The following EPS8 variants were observed in gnomAD, a reference collection of about 807,000 sequenced individuals.
EPS8 encodes the protein epidermal growth factor receptor kinase substrate 8.
A neutral mutation model predicts 103.8 loss-of-function variants in EPS8; 42 were observed. The ratio of observed to expected loss-of-function variants is 0.40; its 90% CI spans 0.32 to 0.52. EPS8 has a LOEUF of 0.52. Ranked by LOEUF, EPS8 falls within the 20% of genes least tolerant of loss-of-function variation. EPS8 has a pLI of 0.40. For missense variants in EPS8, 969 were observed against 1,005.1 expected (o/e 0.96, Z 0.49); for synonymous variants, 344 against 344.6 (o/e 1.00, Z 0.02).
chr12:15,709,687 G>A (rs982152548), intron 1 of EPS8, among the ~76,000 whole-genome samples: 9 of 152,208 alleles, frequency 5.9e-5, no homozygotes, highest in African/African-American at 2.2e-4. Flanking sequence ...TGCCAGGCCA[G>A]AGCAACGGGA....
At chr12:15,672,356 A>G (rs1005782417) in intron 3 of EPS8, 5 of 395,872 alleles carry the variant, frequency 1.3e-5, no homozygotes, top group African/African-American at 1.0e-4. Flanking sequence ...TCCTTGTATC[A>G]ATATTACTCT....
chr12:15,679,317 C>T (rs929837093), intron 3 of EPS8, among the ~76,000 whole-genome samples: 5 of 152,212 alleles, frequency 3.3e-5, no homozygotes, highest in African/African-American at 1.2e-4. Context: ...TAGTATAATT[C>T]TTCCCAATGT....
At position 15,654,140 on chromosome 12, in the gene EPS8, C is replaced by G. The variant is rs1945465825; in HGVS notation, c.1250+5G>C. 1 of 1,613,180 alleles carries G rather than the reference C, an allele frequency of 6.2e-7. No individual in the cohort carries two copies. The highest frequency in any genetic ancestry group is 8.5e-7 in the Non-Finnish European group (1 of 1,179,320). ...CTTAAGGCATTATAGGTGGTAAATG[C>G]TTACCTGGCTTTCATCCAAGTTCCT... On this transcript the variant is annotated splice_donor_5th_base_variant and intron_variant, in intron 13 of 20. Transcript: ENST00000281172.
At chr12:15,740,562 T>TAAAA (rs1445552519) in intron 1 of EPS8, among the ~76,000 whole-genome samples, 4 of 142,632 alleles carry the variant, frequency 2.8e-5, no homozygotes, top group African/African-American at 5.1e-5. Context: ...TAAAAAATAA[T>TAAAA]AAAAATAAAT....
Position 15,723,310 on chromosome 12 carries a change from C to CA in EPS8, c.-21-40339dup, listed in dbSNP as rs1359833788. Among the ~76,000 whole-genome samples the CA allele has an allele frequency of 9.2e-5, 14 of 152,012 alleles. 1 individual carries two copies. In the East Asian group the frequency reaches 2.5e-3, roughly 27 times the overall value. On this transcript the variant is annotated intron_variant, in intron 1 of 20. Coordinates refer to ENST00000281172, the MANE Select transcript of EPS8 (RefSeq NM_004447.6). ...TGAGCAACAGAGTGAGACCCTGTCT[C>CA]AAAAAAATATATATATATCTTTTTC...
intron 12 of EPS8, among the ~76,000 whole-genome samples, chr12:15,656,135 T>C (rs150292825): frequency 3.0e-4 from 46 of 152,334 alleles, no homozygotes; most frequent in African/African-American, 1.1e-3. Flanking sequence ...ACTAGATATC[T>C]ACATATGATC....
intron 17 of EPS8, among the ~76,000 whole-genome samples, chr12:15,634,235 C>T (rs913307699): frequency 5.3e-5 from 8 of 152,218 alleles, no homozygotes; most frequent in Admixed American, 5.2e-4. Context: ...GGTTGGTCAG[C>T]CTGGTGTGGA....
intron 3 of EPS8, 96 bp from the exon 4 acceptor site, chr12:15,671,019 A>C: frequency 1.3e-6 from 1 of 757,028 alleles, no homozygotes; most frequent in African/African-American, 1.7e-5. Flanking sequence ...AGTCTATCTC[A>C]CATATAAATA....
In EPS8 at chr12:15,647,255, G is replaced by A. The variant is rs1945336058; in HGVS notation, c.1440C>T (p.Ser480=). The A allele has an allele frequency of 9.9e-6, 16 of 1,610,564 alleles. No homozygotes were observed. Among genetic ancestry groups the A allele is most frequent in the Non-Finnish European group, 1.4e-5 (16 of 1,178,556 alleles). The change falls in exon 15 of 21, where the codon TCC becomes TCT. Residue 480 remains serine (S), a synonymous_variant. Transcript: ENST00000281172. The part of the protein sequence containing the change: ...QEIKRLSTEH[S]SVSEYHPADG... ...CGGCTGGATGATACTCTGATACACT[G>A]GAATGCTGAAAGACAAAGTGGGGCA... is the stretch of plus-strand genomic sequence containing the variant.
intron 6 of EPS8, among the ~76,000 whole-genome samples, chr12:15,668,764 A>G (rs1186916151): frequency 1.3e-5 from 2 of 152,246 alleles, no homozygotes; most frequent in Admixed American, 6.5e-5. Context: ...TTAGTGCAGA[A>G]TAAATTCAAA....
intron 1 of EPS8, among the ~76,000 whole-genome samples, chr12:15,766,560 C>A (rs1412829901): frequency 1.3e-5 from 2 of 151,376 alleles, no homozygotes; most frequent in African/African-American, 4.9e-5. Flanking sequence ...CTCCTGTAAT[C>A]CCAGCTACTT....
intron 18 of EPS8, among the ~76,000 whole-genome samples, chr12:15,631,228 G>T (rs1294859731): frequency 1.3e-5 from 2 of 152,170 alleles, no homozygotes; most frequent in Non-Finnish European, 1.5e-5. Context: ...ATTGGAAAAG[G>T]AGTAGAAAGG....
chr12:15,765,475 G>A (rs1391564539), intron 1 of EPS8, among the ~76,000 whole-genome samples: 1 of 151,216 alleles, frequency 6.6e-6, no homozygotes, highest in Non-Finnish European at 1.5e-5. Flanking sequence ...AATAAATACA[G>A]GAAAAAAACA....
chr12:15,715,363 G>T (rs1946518809), intron 1 of EPS8, among the ~76,000 whole-genome samples: 1 of 149,508 alleles, frequency 6.7e-6, no homozygotes, highest in Non-Finnish European at 1.5e-5. Flanking sequence ...CTGATCCCAA[G>T]AGCGCTTTCT....
intron 17 of EPS8, among the ~76,000 whole-genome samples, chr12:15,634,992 C>T (rs927684921): frequency 6.6e-6 from 1 of 151,890 alleles, no homozygotes; most frequent in Non-Finnish European, 1.5e-5. Context: ...TAGTAGAAAC[C>T]GTGTAAAGTA....
intron 20 of EPS8, among the ~76,000 whole-genome samples, chr12:15,622,244 C>T (rs2135706125): frequency 6.6e-6 from 1 of 152,098 alleles, no homozygotes; most frequent in South Asian, 2.1e-4. Flanking sequence ...ATATATAATC[C>T]TTATTAATAT....
intron 1 of EPS8, among the ~76,000 whole-genome samples, chr12:15,768,222 G>A (rs746033715): frequency 1.3e-5 from 2 of 151,804 alleles, no homozygotes; most frequent in Non-Finnish European, 2.9e-5. Flanking sequence ...GGTGGATCAC[G>A]AGGTCAGGAG....
At chr12:15,666,001 G>A (rs1029956438) in intron 7 of EPS8, 109 bp from the exon 8 acceptor site, 1 of 1,103,852 alleles carries the variant, frequency 9.1e-7, no homozygotes, top group Non-Finnish European at 1.3e-6. Context: ...ACTATGTCAA[G>A]GGACAATAAG....
Position 15,717,158 on chromosome 12 carries a change from T to A in EPS8, c.-21-34186A>T, listed in dbSNP as rs1220698100. ...GACTTATCTTTGGGAGAATCATATC[T>A]AACTACAATTATAGTCATGCAAAAG... On this transcript the variant is annotated intron_variant, in intron 1 of 20. Transcript: ENST00000281172. The surrounding 1 kb of genome is among the most constrained non-coding windows in gnomAD (Gnocchi z 4.3). 6.6e-6 allele frequency among the ~76,000 whole-genome samples: 1 copy of A among 152,214 alleles called. No homozygotes were observed. The highest frequency in any genetic ancestry group is 1.5e-5 in the Non-Finnish European group (1 of 68,032).
Sources: gnomAD v4.1 joint callset for allele counts (sites outside exome capture counted in the v4.1 genomes callset) on GRCh38, gnomAD v4.1.1 for gene constraint, Gnocchi (gnomAD v3.1) non-coding constraint, MANE v1.5 for transcripts, NCBI Gene and HGNC (gene_info 2026-07-23, HGNC 2026-07-21) for gene names.